ZNF385D: variants seen among roughly 807,000 people sequenced by gnomAD.
The protein encoded by ZNF385D is zinc finger protein 385D, also known as zinc finger protein 659.
ZNF385D carries 15 observed loss-of-function variants against 35.8 expected under a neutral mutation model. The observed-to-expected ratio is 0.42, with a 90% CI of 0.28 to 0.64. ZNF385D has a LOEUF of 0.64. Among genes scored for constraint, ZNF385D ranks in the 30% least tolerant of loss-of-function variants. The probability of loss-of-function intolerance (pLI) is 0.23; values close to 1 mark genes in which losing one functional copy is unlikely to be tolerated. For missense variants in ZNF385D, 474 were observed against 494.6 expected (o/e 0.96, Z 0.39); for synonymous variants, 212 against 186.8 (o/e 1.13, Z -1.10).
chr3:21,851,728 C>T lies in ZNF385D; in HGVS notation c.326-186700G>A, dbSNP rs182851544. Among the ~76,000 whole-genome samples, 113 of 152,096 alleles carry T rather than the reference C, an allele frequency of 7.4e-4. 1 individual carries two copies. The highest frequency in any genetic ancestry group is 1.5e-3 in the Non-Finnish European group (99 of 67,936). ...ACATACAATTCAAAACCCTCCTACA[C>T]GTCCCCACTGCATTTAAAAAGGTGC... is the stretch of plus-strand genomic sequence containing the variant. On this transcript the variant is annotated intron_variant, in intron 3 of 5. Transcript: ENST00000494108.
At chr3:22,186,460 T>C (rs1204038372) in intron 2 of ZNF385D, among the ~76,000 whole-genome samples, 1 of 152,190 alleles carries the variant, frequency 6.6e-6, no homozygotes, top group African/African-American at 2.4e-5. Flanking sequence ...TAGTTAAAAC[T>C]TGGCTAGTGG....
At position 21,856,150 on chromosome 3, in the gene ZNF385D, A is replaced by C. The variant is rs113988422; in HGVS notation, c.326-191122T>G. On this transcript the variant is annotated intron_variant, in intron 3 of 5. Coordinates refer to the ZNF385D transcript ENST00000494108. ...TTTTCTTGCTATAATCTCCAAGATAAATTTTTCACATGAGGTATTTTATAG... is the reference window on the plus strand; with the variant it reads ...TTTTCTTGCTATAATCTCCAAGATACATTTTTCACATGAGGTATTTTATAG... Among the ~76,000 whole-genome samples, 709 of 152,146 alleles carry C rather than the reference A, an allele frequency of 4.7e-3. 3 individuals carry two copies. The highest frequency in any genetic ancestry group is 0.016 in the African/African-American group (666 of 41,554).
At chr3:21,673,769 C>T (rs571839558) in intron 1 of ZNF385D, among the ~76,000 whole-genome samples, 2 of 152,158 alleles carry the variant, frequency 1.3e-5, no homozygotes, top group South Asian at 2.1e-4. Context: ...GAACCAAGCA[C>T]GCATAAAGGA....
At chr3:21,981,746 G>A (rs1211547495) in intron 3 of ZNF385D, among the ~76,000 whole-genome samples, 2 of 152,130 alleles carry the variant, frequency 1.3e-5, no homozygotes, top group Non-Finnish European at 2.9e-5. Context: ...TGTGTATGGT[G>A]TATGGAAGGA....
intron 3 of ZNF385D, among the ~76,000 whole-genome samples, chr3:22,131,823 G>C (rs368786257): frequency 1.2e-4 from 18 of 152,184 alleles, no homozygotes; most frequent in Admixed American, 7.2e-4. Flanking sequence ...TTAAGGGAAA[G>C]TATGAAAGAA....
chr3:21,989,403 T>C (rs945360601), intron 3 of ZNF385D, among the ~76,000 whole-genome samples: 1 of 152,226 alleles, frequency 6.6e-6, no homozygotes, highest in Non-Finnish European at 1.5e-5. Flanking sequence ...AATACAGTTA[T>C]GATTTTCTGA....
At chr3:22,363,525 C>G (rs934115224) in intron 2 of ZNF385D, among the ~76,000 whole-genome samples, 3 of 152,104 alleles carry the variant, frequency 2.0e-5, no homozygotes, top group Non-Finnish European at 4.4e-5. Context: ...GGATGTTGTT[C>G]ACAGGGCCAT....
intron 2 of ZNF385D, among the ~76,000 whole-genome samples, chr3:22,291,570 A>C (rs1702303840): frequency 6.6e-6 from 1 of 151,992 alleles, no homozygotes; most frequent in Non-Finnish European, 1.5e-5. Context: ...TTAGTGTATT[A>C]TTTGCAAACA....
At chr3:21,973,268 G>A (rs1703380678) in intron 3 of ZNF385D, among the ~76,000 whole-genome samples, 1 of 151,810 alleles carries the variant, frequency 6.6e-6, no homozygotes, top group Non-Finnish European at 1.5e-5. Context: ...TCAACATACA[G>A]AAGTCAATCA....
chr3:21,611,988 T>C (rs534180604), intron 2 of ZNF385D, among the ~76,000 whole-genome samples: 26 of 152,336 alleles, frequency 1.7e-4, no homozygotes, highest in Middle Eastern at 3.4e-3. Flanking sequence ...GAAATTCACA[T>C]CTTGTGAGCA....
rs529179043 is a variant in ZNF385D, at chr3:21,625,995, T to A, written c.165+38891A>T. Among the ~76,000 whole-genome samples the A allele has an allele frequency of 7.9e-5, 12 of 152,140 alleles. No homozygotes were observed. In the East Asian group the frequency reaches 1.4e-3, roughly 17 times the overall value. The stretch of plus-strand genomic sequence containing the variant: ...TCTTCACTTTGTATCTCCACTTAAT[T>A]TTCAGAACTGCCCTGCCTGTGAGAT... On this transcript the variant is annotated intron_variant, in intron 2 of 7. Transcript: ENST00000281523.
intron 3 of ZNF385D, among the ~76,000 whole-genome samples, chr3:21,952,929 C>T (rs1702128780): frequency 6.6e-6 from 1 of 151,996 alleles, no homozygotes; most frequent in Non-Finnish European, 1.5e-5. Context: ...AAACTCATTT[C>T]TCAGACTTTC....
chr3:22,168,554 C>T (rs1197642276), intron 3 of ZNF385D: 1 of 152,520 alleles, frequency 6.6e-6, no homozygotes, highest in East Asian at 1.9e-4. Flanking sequence ...TGAAGGCACA[C>T]ATCAAGAAAC....
intron 2 of ZNF385D, among the ~76,000 whole-genome samples, chr3:22,327,711 A>C (rs1694742738): frequency 6.6e-6 from 1 of 152,168 alleles, no homozygotes; most frequent in African/African-American, 2.4e-5. Flanking sequence ...GCAGATATGA[A>C]GAGGGTGATG....
chr3:21,969,997 T>C (rs1042704361), intron 3 of ZNF385D, among the ~76,000 whole-genome samples: 4 of 152,192 alleles, frequency 2.6e-5, no homozygotes, highest in Non-Finnish European at 5.9e-5. Flanking sequence ...TACTGTGTTA[T>C]TGAGCTTGGG....
intron 3 of ZNF385D, among the ~76,000 whole-genome samples, chr3:21,951,273 G>A (rs1219897833): frequency 6.6e-6 from 1 of 151,594 alleles, no homozygotes; most frequent in African/African-American, 2.4e-5. Context: ...TCCCTTATAA[G>A]TTGTATACCT....
chr3:21,516,981 AT>A (rs1425768074), intron 3 of ZNF385D, among the ~76,000 whole-genome samples: 1 of 152,170 alleles, frequency 6.6e-6, no homozygotes, highest in East Asian at 1.9e-4. Context: ...TTTTAAAAAA[AT>A]CTAATTTATT....
intron 2 of ZNF385D, among the ~76,000 whole-genome samples, chr3:21,584,835 C>A (rs1287221150): frequency 1.3e-5 from 2 of 152,184 alleles, no homozygotes; most frequent in East Asian, 1.9e-4. Flanking sequence ...TCTCCAGGAT[C>A]TGACCTCACA....
chr3:21,877,070 T>A (rs1698016842), intron 3 of ZNF385D, among the ~76,000 whole-genome samples: 1 of 152,076 alleles, frequency 6.6e-6, no homozygotes, highest in Non-Finnish European at 1.5e-5. Context: ...CCTAGAGGGT[T>A]GTAACTACCA....
Sources: gnomAD v4.1 joint callset for allele counts (sites outside exome capture counted in the v4.1 genomes callset) on GRCh38, gnomAD v4.1.1 for gene constraint, MANE v1.5 for transcripts, NCBI Gene and HGNC (gene_info 2026-07-23, HGNC 2026-07-21) for gene names.